The following PTPRG variants were observed in gnomAD, a reference collection of about 807,000 sequenced individuals.
The protein encoded by PTPRG is protein tyrosine phosphatase receptor type G, also known as receptor-type tyrosine-protein phosphatase gamma.
In PTPRG, 102 loss-of-function variants were observed where a neutral mutation model predicts 165.3. The ratio of observed to expected loss-of-function variants is 0.62; its 90% CI spans 0.53 to 0.73. The LOEUF (loss-of-function observed/expected upper bound fraction) is 0.73. Ranked by LOEUF, PTPRG falls within the 30% of genes least tolerant of loss-of-function variation. The probability of loss-of-function intolerance (pLI) is 0.00; values close to 1 mark genes in which losing one functional copy is unlikely to be tolerated. For missense variants in PTPRG, 1,866 were observed against 1,861.4 expected (o/e 1.00, Z -0.05); for synonymous variants, 675 against 669.5 (o/e 1.01, Z -0.13).
chr3:61,710,354 G>C (rs1293600829), intron 1 of PTPRG, among the ~76,000 whole-genome samples: 2 of 152,142 alleles, frequency 1.3e-5, no homozygotes, highest in Admixed American at 1.3e-4. Context: ...CTTTGTGCTA[G>C]ACCCCTTTCC....
intron 4 of PTPRG, among the ~76,000 whole-genome samples, chr3:62,008,247 A>G (rs1245926089): frequency 1.3e-5 from 2 of 152,242 alleles, no homozygotes; most frequent in Non-Finnish European, 2.9e-5. Context: ...ACCTCCAGAT[A>G]AAACCTTTGA....
intron 5 of PTPRG, among the ~76,000 whole-genome samples, chr3:62,126,167 G>A (rs1415348092): frequency 6.6e-6 from 1 of 152,184 alleles, no homozygotes; most frequent in Non-Finnish European, 1.5e-5. Flanking sequence ...ACCCTGCGGG[G>A]ATTGGTTTTT....
chr3:61,714,743 G>T (rs144828679), intron 1 of PTPRG, among the ~76,000 whole-genome samples: 3 of 152,068 alleles, frequency 2.0e-5, no homozygotes, highest in African/African-American at 7.2e-5. Flanking sequence ...GTTCAGAGGC[G>T]CCACGTGAGC....
intron 2 of PTPRG, among the ~76,000 whole-genome samples, chr3:61,822,651 C>T (rs1025528524): frequency 1.3e-5 from 2 of 152,210 alleles, no homozygotes; most frequent in Non-Finnish European, 2.9e-5. Flanking sequence ...TGAAAATTCT[C>T]ATAGCCTAGA....
chr3:61,966,401 A>C (rs1340018839), intron 2 of PTPRG, among the ~76,000 whole-genome samples: 2 of 152,084 alleles, frequency 1.3e-5, no homozygotes, highest in African/African-American at 4.8e-5. Context: ...AATGTCAAGA[A>C]GGCCAAGTAT....
intron 1 of PTPRG, among the ~76,000 whole-genome samples, chr3:61,585,299 GAA>G (rs1700407544): frequency 7.2e-6 from 1 of 138,906 alleles, no homozygotes. Flanking sequence ...AAAAAAAAAA[GAA>G]AAAGGAAGAA....
Position 62,191,554 on chromosome 3 carries a change from C to T in PTPRG, c.1119C>T (p.Ile373=). 6.2e-7 allele frequency: 1 copy of T among 1,614,192 alleles called. No homozygotes were observed. The highest frequency in any genetic ancestry group is 8.5e-7 in the Non-Finnish European group (1 of 1,180,028). ...LQVSWSQPET[I]YHPPIMNYMI... ...TGTCCTGGAGCCAGCCGGAGACTAT[C>T]TACCACCCACCCATCATGAACTACA... The change falls in exon 9 of 30, where the codon ATC becomes ATT. Residue 373 remains isoleucine (I), a synonymous_variant. Transcript: ENST00000474889.
chr3:61,885,949 C>A (rs1310874712), intron 2 of PTPRG, among the ~76,000 whole-genome samples: 1 of 151,296 alleles, frequency 6.6e-6, no homozygotes, highest in African/African-American at 2.4e-5. Context: ...CATTTTCTTA[C>A]ACTTCTGGTG....
At chr3:61,722,686 G>A (rs1047522718) in intron 1 of PTPRG, among the ~76,000 whole-genome samples, 1 of 152,268 alleles carries the variant, frequency 6.6e-6, no homozygotes, top group South Asian at 2.1e-4. Context: ...TAACTTCAAA[G>A]TGAAATTGTA....
At chr3:62,036,575 A>C (rs1004910874) in intron 4 of PTPRG, among the ~76,000 whole-genome samples, 1 of 152,200 alleles carries the variant, frequency 6.6e-6, no homozygotes. Flanking sequence ...AGCTTTAGGC[A>C]TGCTTTTGCC....
intron 2 of PTPRG, among the ~76,000 whole-genome samples, chr3:61,938,654 A>T (rs1467771973): frequency 6.6e-6 from 1 of 152,136 alleles, no homozygotes; most frequent in Non-Finnish European, 1.5e-5. Flanking sequence ...TTTTTCACTT[A>T]AGGTGCGGTC....
intron 1 of PTPRG, among the ~76,000 whole-genome samples, chr3:61,569,730 A>G (rs1309178531): frequency 1.3e-5 from 2 of 152,366 alleles, no homozygotes; most frequent in African/African-American, 4.8e-5. Context: ...TTGTATAAAC[A>G]TACGTGATGG....
chr3:61,748,795 C>T (rs1249977064), intron 1 of PTPRG, 83 bp from the exon 2 acceptor site: 3 of 1,084,648 alleles, frequency 2.8e-6, no homozygotes, highest in Non-Finnish European at 4.2e-6. Flanking sequence ...TCTACGAAGT[C>T]ACCCAATGGT....
chr3:62,226,074 T>A (rs752128289), intron 13 of PTPRG, among the ~76,000 whole-genome samples: 8 of 152,218 alleles, frequency 5.3e-5, no homozygotes, highest in Non-Finnish European at 8.8e-5. Flanking sequence ...ATTTTGCAGA[T>A]CAGAAAACAG....
chr3:61,710,103 A>G (rs552653840), intron 1 of PTPRG, among the ~76,000 whole-genome samples: 4 of 152,332 alleles, frequency 2.6e-5, no homozygotes, highest in African/African-American at 9.6e-5. Context: ...AGTTTGAGCC[A>G]TAGGTTTGTT....
At chr3:61,587,666 A>AT (rs540360383) in intron 1 of PTPRG, among the ~76,000 whole-genome samples, 3 of 151,770 alleles carry the variant, frequency 2.0e-5, no homozygotes, top group Non-Finnish European at 2.9e-5. Context: ...TTATTTTATT[A>AT]TTTTTTTTAA....
At chr3:62,208,053 G>A (rs1449383999) in intron 12 of PTPRG, among the ~76,000 whole-genome samples, 2 of 152,156 alleles carry the variant, frequency 1.3e-5, no homozygotes, top group Admixed American at 1.3e-4. Flanking sequence ...AAAAATGTAG[G>A]CCAAACTAAA....
At chr3:61,903,321 G>T (rs1439043358) in intron 2 of PTPRG, among the ~76,000 whole-genome samples, 2 of 152,088 alleles carry the variant, frequency 1.3e-5, no homozygotes, top group African/African-American at 4.8e-5. Flanking sequence ...CTCCTCTGAG[G>T]GTACTCACAG....
chr3:62,241,386 A>C (rs902514282), intron 14 of PTPRG, among the ~76,000 whole-genome samples: 1 of 152,184 alleles, frequency 6.6e-6, no homozygotes, highest in African/African-American at 2.4e-5. Flanking sequence ...GTGGGAGGCA[A>C]GTGCATGATG....
Sources: allele counts gnomAD v4.1 joint callset (sites outside exome capture counted in the v4.1 genomes callset), GRCh38; gene constraint gnomAD v4.1.1; transcripts MANE v1.5; gene names NCBI Gene and HGNC (gene_info 2026-07-23, HGNC 2026-07-21).